Variants in LAMC2 observed in about 807,000 individuals in gnomAD.
LAMC2 encodes the protein laminin subunit gamma-2.
LAMC2 carries 97 observed loss-of-function variants against 140.2 expected under a neutral mutation model. The ratio of observed to expected loss-of-function variants is 0.69; its 90% CI spans 0.59 to 0.82. The LOEUF (loss-of-function observed/expected upper bound fraction) is 0.82. LAMC2 is among the 40% of genes least tolerant of loss of function. The pLI, the probability that LAMC2 is intolerant of heterozygous loss-of-function variation, is 0.00. For synonymous variants in LAMC2, 513 were observed against 540.2 expected, an observed-to-expected ratio of 0.95 and a Z score of 0.70; for missense variants, 1,402 against 1,476.1, an observed-to-expected ratio of 0.95 and a Z score of 0.82.
In LAMC2 at chr1:183,226,932, C is replaced by T; in HGVS notation, c.1285+16C>T. The T allele has an allele frequency of 2.5e-6, 4 of 1,601,116 alleles. No homozygotes were observed. The highest frequency in any genetic ancestry group is 1.7e-5 in the Admixed American group (1 of 59,978). ...CCAGACACAGGTGAGTGAAATGACA[C>T]CTGGACCAGGTGGCTGGGGTGTCAT... On this transcript the variant is annotated intron_variant, in intron 9 of 22. Transcript: ENST00000264144.
intron 1 of LAMC2, among the ~76,000 whole-genome samples, chr1:183,191,798 G>T (rs1285270908): frequency 6.6e-6 from 1 of 151,876 alleles, no homozygotes; most frequent in Non-Finnish European, 1.5e-5. Context: ...GGCAGAGATT[G>T]CAGTGACCCA....
intron 1 of LAMC2, among the ~76,000 whole-genome samples, chr1:183,197,636 A>G (rs1273917942): frequency 6.6e-6 from 1 of 151,780 alleles, no homozygotes; most frequent in East Asian, 1.9e-4. Context: ...AGATCGTGCT[A>G]CTGCACTCCA....
In LAMC2 at chr1:183,234,402, T is replaced by G; in HGVS notation, c.2256T>G (p.Asn752Lys). 6.2e-7 allele frequency: 1 copy of G among 1,614,118 alleles called. No homozygotes were observed. The highest frequency in any genetic ancestry group is 8.5e-7 in the Non-Finnish European group (1 of 1,180,002). ...IPASDHYVGP[N>K]GFKSLAQEAT... ...CCTCAGACCACTACGTGGGGCCAAA[T>G]GGCTTTAAAAGTCTGGCTCAGGAGG... The change falls in exon 15 of 23, where the codon AAT (asparagine) becomes AAG (lysine). Residue 752 changes from asparagine (N) to lysine (K), a missense_variant. Coordinates refer to ENST00000264144, the MANE Select transcript of LAMC2 (RefSeq NM_005562.3).
downstream of LAMC2, chr1:183,248,891 AGTGTGT>A (rs71555406): frequency 0.017 from 2,434 of 142,704 alleles, 30 homozygotes; most frequent in African/African-American, 0.037. Flanking sequence ...CCCCTAAAAG[AGTGTGT>A]GTGTGTGTGT....
chr1:183,189,250 T>A (rs1477950822), intron 1 of LAMC2, among the ~76,000 whole-genome samples: 3 of 152,042 alleles, frequency 2.0e-5, no homozygotes, highest in African/African-American at 7.3e-5. Context: ...AGGCTTTAGG[T>A]TTGTACATGG....
intron 6 of LAMC2, 55 bp downstream of exon 6, chr1:183,222,266 A>C: frequency 6.3e-7 from 1 of 1,583,602 alleles, no homozygotes; most frequent in Non-Finnish European, 8.7e-7. Flanking sequence ...TAGGAAGTCA[A>C]GATAGAGAAA....
intron 2 of LAMC2, among the ~76,000 whole-genome samples, chr1:183,214,477 C>T (rs1316005989): frequency 6.6e-6 from 1 of 152,128 alleles, no homozygotes; most frequent in African/African-American, 2.4e-5. Flanking sequence ...AGGGAAGCTG[C>T]TTAGCACTTT....
At chr1:183,241,245 C>CAA (rs11318188) in intron 22 of LAMC2, 2,304 of 786,440 alleles carry the variant, frequency 2.9e-3, no homozygotes, top group Non-Finnish European at 3.1e-3. Context: ...AAGACTGTCT[C>CAA]AAAAAAAAAA....
At chr1:183,238,170 G>GT in intron 18 of LAMC2, 137 bp from the exon 19 acceptor site, 2 of 692,126 alleles carry the variant, frequency 2.9e-6, no homozygotes, top group Non-Finnish European at 5.2e-6. Flanking sequence ...GTCCCAGATT[G>GT]TAGAGGGGTT....
chr1:183,236,231 A>G (rs1030284609), intron 16 of LAMC2, among the ~76,000 whole-genome samples: 1 of 151,876 alleles, frequency 6.6e-6, no homozygotes, highest in South Asian at 2.1e-4. Flanking sequence ...TTTTGTTAAA[A>G]AAAAAGGGGG....
intron 2 of LAMC2, 57 bp downstream of exon 2, chr1:183,208,126 G>T: frequency 7.1e-7 from 1 of 1,401,550 alleles, no homozygotes; most frequent in Non-Finnish European, 1.0e-6. Context: ...GAGACAAGAG[G>T]GAAGGAAGGA....
intron 3 of LAMC2, among the ~76,000 whole-genome samples, chr1:183,217,981 T>G (rs28417384): frequency 4.6e-5 from 7 of 152,174 alleles, no homozygotes; most frequent in African/African-American, 7.2e-5. Flanking sequence ...AGCAGGTAGA[T>G]GGAATTAATC....
At position 183,226,919 on chromosome 1, in the gene LAMC2, G is replaced by T; in HGVS notation, c.1285+3G>T. ...AGGGGCCTGTGATCCAGACACAGGT[G>T]AGTGAAATGACACCTGGACCAGGTG... On this transcript the variant is annotated splice_donor_region_variant and intron_variant, in intron 9 of 22. Transcript: ENST00000264144. The T allele has an allele frequency of 6.2e-7, 1 of 1,611,266 alleles. No homozygotes were observed. Among genetic ancestry groups the T allele is most frequent in the South Asian group, 1.1e-5 (1 of 90,934 alleles).
rs940825942 is a variant in LAMC2 at position 183,243,151 on chromosome 1, G to A, written c.3333G>A (p.Gln1111=). ...TLDGLLHLMD[Q]PLSVDEEGLV... ...GTGTCTCATTCCTTGAAATAGACCA[G>A]CCTCTCAGTGTAGATGAAGAGGGGC... The change falls in exon 23 of 23, where the codon CAG becomes CAA. Residue 1111 remains glutamine (Q), a synonymous_variant. Coordinates refer to ENST00000264144, the MANE Select transcript of LAMC2 (RefSeq NM_005562.3). 1 of 1,614,068 alleles carries A rather than the reference G, an allele frequency of 6.2e-7. No homozygotes were observed.
chr1:183,197,440 T>C (rs1281075093), intron 1 of LAMC2, among the ~76,000 whole-genome samples: 3 of 151,924 alleles, frequency 2.0e-5, no homozygotes, highest in African/African-American at 7.3e-5. Context: ...TTTGGGACGG[T>C]GAGGTGGGCA....
intron 1 of LAMC2, among the ~76,000 whole-genome samples, chr1:183,190,753 ATTATAC>A (rs1279052506): frequency 6.6e-6 from 1 of 152,200 alleles, no homozygotes; most frequent in Non-Finnish European, 1.5e-5. Context: ...TTGATAAAAT[ATTATAC>A]TTAGAAGTGT....
At chr1:183,208,162 C>A (rs1306607480) in intron 2 of LAMC2, 93 bp downstream of exon 2, 3 of 1,207,608 alleles carry the variant, frequency 2.5e-6, no homozygotes, top group Admixed American at 1.7e-5. Context: ...AGGAAGGGAA[C>A]AACGGAGGAA....
At chr1:183,198,945 C>A (rs540873847) in intron 1 of LAMC2, among the ~76,000 whole-genome samples, 45 of 152,176 alleles carry the variant, frequency 3.0e-4, no homozygotes, top group Non-Finnish European at 2.9e-4. Flanking sequence ...TCCCATCTCA[C>A]CATGGATTTT....
At chr1:183,241,264 A>T in intron 22 of LAMC2, 1 of 976,320 alleles carries the variant, frequency 1.0e-6, no homozygotes, top group Non-Finnish European at 1.2e-6. Flanking sequence ...AAAAAAAAGG[A>T]AAAATAAAAA....
Sources: gnomAD v4.1 joint callset for allele counts (sites outside exome capture counted in the v4.1 genomes callset) on GRCh38, gnomAD v4.1.1 for gene constraint, MANE v1.5 for transcripts, NCBI Gene and HGNC (gene_info 2026-07-23, HGNC 2026-07-21) for gene names.